The following GSS variants were observed in gnomAD, a reference collection of about 807,000 sequenced individuals.
GSS encodes glutathione synthetase, also known as GSH synthetase.
A neutral mutation model predicts 60.4 loss-of-function variants in GSS; 34 were observed. That is an observed-to-expected ratio of 0.56 (90% CI 0.43 to 0.75). GSS has a LOEUF of 0.75. Among genes scored for constraint, GSS ranks in the 30% least tolerant of loss-of-function variants. GSS has a pLI of 0.00. For missense variants in GSS, 499 were observed against 595.1 expected (o/e 0.84, Z 1.68); for synonymous variants, 224 against 239.0 (o/e 0.94, Z 0.58).
In GSS at chr20:34,948,341, T is replaced by C. The variant is rs139759486; in HGVS notation, c.130-2243A>G. ...TCATCTTGGCCTCAAAAACTCAGAG[T>C]TTTTCTGCTAAGACATCCCTCTGCC... On this transcript the variant is annotated intron_variant, in intron 2 of 12. Transcript: ENST00000651619. Among the ~76,000 whole-genome samples the C allele has an allele frequency of 6.6e-5, 10 of 150,944 alleles. No individual in the cohort carries two copies. In the East Asian group the frequency reaches 2.0e-3, roughly 29 times the overall value.
chr20:34,942,813 C>A (rs2081494802), intron 4 of GSS, 118 bp downstream of exon 4: 1 of 904,220 alleles, frequency 1.1e-6, no homozygotes, highest in East Asian at 2.6e-5. Context: ...CAGTGAGGAC[C>A]AGTGAGAGGC....
chr20:34,929,736 G>GATATGCTGA, intron 11 of GSS, 146 bp from the exon 12 acceptor site: 1 of 769,480 alleles, frequency 1.3e-6, no homozygotes, highest in Non-Finnish European at 2.3e-6. Flanking sequence ...CTTCTCAGGA[G>GATATGCTGA]GGAAGCTCAC....
chr20:34,930,263 TC>T (rs2081390242), intron 11 of GSS, among the ~76,000 whole-genome samples: 1 of 111,644 alleles, frequency 9.0e-6, no homozygotes. Context: ...AGAATCCGTC[TC>T]AAAAAAAAAA....
chr20:34,955,936 G>C (rs1643416762), upstream of GSS: 2 of 152,560 alleles, frequency 1.3e-5, no homozygotes, highest in African/African-American at 2.4e-5. Context: ...TTAGGAGTGC[G>C]TCGGCTGCAC....
chr20:34,955,412 CG>C (rs2081615391), intron 1 of GSS: 1 of 152,244 alleles, frequency 6.6e-6, no homozygotes, highest in Admixed American at 6.5e-5. Context: ...CCCCACTTCA[CG>C]GGCCCGCTCG....
intron 1 of GSS, 87 bp from the exon 2 acceptor site, chr20:34,951,947 AG>A: frequency 7.3e-7 from 1 of 1,376,778 alleles, no homozygotes; most frequent in Non-Finnish European, 1.0e-6. Context: ...CCCCCAACAC[AG>A]CAGGACCCTG....
At position 34,932,121 on chromosome 20, in the gene GSS, G is replaced by A. The variant is rs121909309; in HGVS notation, c.847C>T (p.Arg283Cys). The A allele has an allele frequency of 1.2e-5, 20 of 1,613,428 alleles. No individual in the cohort carries two copies. The highest frequency in any genetic ancestry group is 1.4e-5 in the Non-Finnish European group (17 of 1,179,422). The change falls in exon 10 of 13, where the codon CGT becomes TGT. Residue 283 changes from arginine (R) to cysteine (C), a missense_variant. By Grantham distance (180) the Arg-to-Cys change is radical (BLOSUM62 -3). Coordinates refer to ENST00000651619, the MANE Select transcript of GSS (RefSeq NM_000178.4). ...RQYSLQNWEA[R>C]LLLERSHAAK... ...GCATGTGACCTCTCCAGCAGTAGAC[G>A]TGCTTCCCAATTCTGCAGAGGGAAG...
chr20:34,942,640 C>A lies in GSS; in HGVS notation c.352-13G>T. On this transcript the variant is annotated splice_polypyrimidine_tract_variant and intron_variant, in intron 4 of 12. Transcript: ENST00000651619. Reference sequence around the variant, plus strand: ...CCAGGAACACAGTCTGTGGGGAAAACTGAAGGCTGACAGTACCTGCCCAGG... The same window carrying A: ...CCAGGAACACAGTCTGTGGGGAAAAATGAAGGCTGACAGTACCTGCCCAGG... The A allele has an allele frequency of 2.5e-6, 4 of 1,613,948 alleles. No individual in the cohort carries two copies. Among genetic ancestry groups the A allele is most frequent in the Non-Finnish European group, 3.4e-6 (4 of 1,179,900 alleles).
Position 34,929,580 on chromosome 20 carries a change from T to A in GSS, c.1122A>T (p.Leu374=). 6.2e-7 allele frequency: 1 copy of A among 1,613,860 alleles called. No homozygotes were observed. The highest frequency in any genetic ancestry group is 1.1e-5 in the South Asian group (1 of 91,080). The stretch of plus-strand genomic sequence containing the variant: ...GGGCCTGTACCATTTCCTCCCCATA[T>A]AGGTTGTTACCTGCAATGAAACTGG... The part of the protein sequence containing the change: ...KPQREGGGNN[L]YGEEMVQALK... Residue 374 remains leucine, a synonymous_variant, in exon 12 of 13, where the codon CTA becomes CTT. Transcript: ENST00000651619.
intron 4 of GSS, 141 bp downstream of exon 4, chr20:34,942,789 CA>C (rs2081494529): frequency 1.0e-6 from 1 of 957,658 alleles, no homozygotes; most frequent in Admixed American, 2.0e-5. Flanking sequence ...TAGAATTGGT[CA>C]CTGGGATAAA....
At chr20:34,953,499 G>C (rs35401456) in intron 1 of GSS, among the ~76,000 whole-genome samples, 6,690 of 151,926 alleles carry the variant, frequency 0.044, 492 homozygotes, top group African/African-American at 0.15. Flanking sequence ...ATAATAATAC[G>C]ACTTCTCCCT....
Position 34,936,852 on chromosome 20 carries a change from G to A in GSS, c.690-12C>T. ...TCACATGGATGTTCCTGGGAAAAAT[G>A]GGCAAGAGCCAGAGGGAATGGATGC... On this transcript the variant is annotated splice_polypyrimidine_tract_variant and intron_variant, in intron 7 of 12. Coordinates refer to ENST00000651619, the MANE Select transcript of GSS (RefSeq NM_000178.4). 1.9e-6 allele frequency: 3 copies of A among 1,613,372 alleles called. No homozygotes were observed. The highest frequency in any genetic ancestry group is 2.5e-6 in the Non-Finnish European group (3 of 1,179,306).
At chr20:34,942,716 C>T in intron 4 of GSS, 89 bp from the exon 5 acceptor site, 1 of 1,307,992 alleles carries the variant, frequency 7.6e-7, no homozygotes, top group Non-Finnish European at 1.1e-6. Context: ...ATGAACTCTA[C>T]ACAGAGATTA....
rs556736172 is a variant in GSS at position 34,942,971 on chromosome 20, A to G, written c.311T>C (p.Phe104Ser). Residue 104 changes from phenylalanine to serine, a missense_variant, in exon 4 of 13, where the codon TTT (phenylalanine) becomes TCT (serine). Physicochemically the swap from Phe to Ser is radical, Grantham distance 155. Coordinates refer to ENST00000651619, the MANE Select transcript of GSS (RefSeq NM_000178.4). ...IKQDDFTARL[F>S]DIHKQVLKEG... ...TTTTAGGACTTGCTTGTGGATGTCA[A>G]AGAGACGAGCGGTAAAGTCATCCTG... The G allele has an allele frequency of 3.1e-6, 5 of 1,612,500 alleles. No individual in the cohort carries two copies. In the South Asian group the frequency reaches 5.5e-5, roughly 18 times the overall value.
intron 11 of GSS, among the ~76,000 whole-genome samples, chr20:34,929,916 T>A (rs2081387868): frequency 6.6e-6 from 1 of 152,158 alleles, no homozygotes; most frequent in Non-Finnish European, 1.5e-5. Context: ...CTCTCCCCCA[T>A]GTACATTTTC....
chr20:34,941,890 G>A, intron 5 of GSS, 61 bp from the exon 6 acceptor site: 2 of 869,712 alleles, frequency 2.3e-6, no homozygotes, highest in Non-Finnish European at 4.0e-6. Flanking sequence ...CTCTGCCCAT[G>A]ACCTCATATA....
intron 9 of GSS, 42 bp from the exon 10 acceptor site, chr20:34,932,175 C>A (rs1183424680): frequency 6.7e-7 from 1 of 1,498,368 alleles, no homozygotes; most frequent in Non-Finnish European, 9.3e-7. Context: ...CTTTATTTTA[C>A]TTCAGCTGAC....
intron 6 of GSS, among the ~76,000 whole-genome samples, chr20:34,940,497 T>C (rs1033918744): frequency 2.0e-5 from 3 of 151,646 alleles, no homozygotes; most frequent in Non-Finnish European, 4.4e-5. Flanking sequence ...AGAGTGGAGG[T>C]TTTAGAGGGA....
At chr20:34,929,621 C>T (rs754511253) in intron 11 of GSS, 31 bp from the exon 12 acceptor site, 19 of 1,573,568 alleles carry the variant, frequency 1.2e-5, no homozygotes, top group Non-Finnish European at 1.5e-5. Context: ...CACCCTGGAC[C>T]CTCTGCCTAC....
Sources: gnomAD v4.1 joint callset for allele counts (sites outside exome capture counted in the v4.1 genomes callset) on GRCh38, gnomAD v4.1.1 for gene constraint, MANE v1.5 for transcripts, NCBI Gene and HGNC (gene_info 2026-07-23, HGNC 2026-07-21) for gene names.